Variants in WDR26 observed in about 807,000 individuals in gnomAD.
WDR26 encodes the protein WD repeat domain 26, also known as WD repeat-containing protein 26.
WDR26 carries 5 observed loss-of-function variants against 84.1 expected under a neutral mutation model. The observed-to-expected ratio is 0.06, with a 90% CI of 0.03 to 0.13. WDR26 has a LOEUF of 0.13. WDR26 is among the 10% of genes least tolerant of loss of function. The pLI, the probability that WDR26 is intolerant of heterozygous loss-of-function variation, is 1.00. For missense variants in WDR26, 642 were observed against 974.9 expected, an observed-to-expected ratio of 0.66 and a Z score of 4.55; for synonymous variants, 415 against 389.6, an observed-to-expected ratio of 1.07 and a Z score of -0.77.
Position 224,393,968 on chromosome 1 carries a change from G to A in WDR26, c.2120C>T (p.Ala707Val), listed in dbSNP as rs765333763. ...TGTACGTGTGTGCCCTGTCAGCTCCGCAATTGGCAGTTCACTACGTTTGTG... is the reference window on the plus strand; with the variant it reads ...TGTACGTGTGTGCCCTGTCAGCTCCACAATTGGCAGTTCACTACGTTTGTG... Residue 707 changes from alanine (A) to valine (V), a missense_variant, in exon 13 of 14, where the codon GCG becomes GTG. Coordinates refer to ENST00000414423, the MANE Select transcript of WDR26 (RefSeq NM_001379403.1). 3 of 1,544,344 alleles carry A rather than the reference G, an allele frequency of 1.9e-6. No homozygotes were observed. The highest frequency in any genetic ancestry group is 1.7e-5 in the Admixed American group (1 of 59,010).
At chr1:224,419,671 G>T in intron 4 of WDR26, 56 bp from the exon 5 acceptor site, 1 of 1,412,342 alleles carries the variant, frequency 7.1e-7, no homozygotes, top group Non-Finnish European at 1.0e-6. Context: ...TGTAATAAAT[G>T]TAATTGAAAA....
Position 224,408,753 on chromosome 1 carries a change from C to T in WDR26, c.1458+2674G>A, listed in dbSNP as rs558405419. Reference sequence around the variant, plus strand: ...GCAGTAAGACTCTCAAGAGGTATTTCGACTTGTAAAGCTTCCCTGCGCTTT... The same window carrying T: ...GCAGTAAGACTCTCAAGAGGTATTTTGACTTGTAAAGCTTCCCTGCGCTTT... On this transcript the variant is annotated intron_variant, in intron 7 of 13. Coordinates refer to ENST00000414423, the MANE Select transcript of WDR26 (RefSeq NM_001379403.1). Among the ~76,000 whole-genome samples the T allele has an allele frequency of 3.3e-5, 5 of 150,190 alleles. No individual in the cohort carries two copies. The East Asian group carries it at 5.9e-4, about 18-fold the overall frequency.
intron 5 of WDR26, among the ~76,000 whole-genome samples, chr1:224,419,114 G>T (rs115722240): frequency 0.011 from 1,679 of 152,202 alleles, 39 homozygotes; most frequent in African/African-American, 0.038. Context: ...TTACAATCTA[G>T]AATAAACATA....
chr1:224,409,400 G>GA (rs1397011098), intron 7 of WDR26, among the ~76,000 whole-genome samples: 1 of 152,114 alleles, frequency 6.6e-6, no homozygotes. Context: ...CATATTCTGA[G>GA]AAAGAGTCCA....
At chr1:224,432,602 A>G (rs1172660942) in intron 1 of WDR26, among the ~76,000 whole-genome samples, 2 of 152,292 alleles carry the variant, frequency 1.3e-5, no homozygotes, top group African/African-American at 4.8e-5. Context: ...CTTAATTTTT[A>G]GCTAAACAGT....
At chr1:224,399,670 G>C (rs1027242797) in intron 9 of WDR26, among the ~76,000 whole-genome samples, 2 of 152,146 alleles carry the variant, frequency 1.3e-5, no homozygotes, top group Non-Finnish European at 2.9e-5. Flanking sequence ...TGATCATCTT[G>C]CACGCAGGGA....
At chr1:224,413,412 G>GTATT in intron 6 of WDR26, 1 of 596,828 alleles carries the variant, frequency 1.7e-6, no homozygotes, top group Non-Finnish European at 2.4e-6. Context: ...TAGCAGATGG[G>GTATT]TATTTGCAGG....
At position 224,434,731 on chromosome 1, in the gene WDR26, C is replaced by T. The variant is rs1357112203; in HGVS notation, c.-326G>A. On this transcript the variant is annotated 5_prime_UTR_variant, in exon 1 of 14. Transcript: ENST00000414423. The stretch of plus-strand genomic sequence containing the variant: ...GGGCGGCAGCGGAGGCAGCTGCCGC[C>T]TCTGTCCTCGGATCCGCTCCGCTCT... 4 of 985,338 alleles carry T rather than the reference C, an allele frequency of 4.1e-6. No individual in the cohort carries two copies. The highest frequency in any genetic ancestry group is 2.3e-4 in the East Asian group (2 of 8,870). The allele number at this position is 985,338 out of a possible 1,614,324, so 61.0% of individuals were successfully genotyped here.
intron 7 of WDR26, among the ~76,000 whole-genome samples, chr1:224,408,847 G>C (rs1673655434): frequency 6.6e-6 from 1 of 151,892 alleles, no homozygotes; most frequent in Non-Finnish European, 1.5e-5. Flanking sequence ...CATTTAAACG[G>C]TACATTTTTT....
intron 1 of WDR26, 68 bp downstream of exon 1, chr1:224,433,616 T>TCCCCCCCC: frequency 1.6e-5 from 9 of 557,412 alleles, no homozygotes; most frequent in South Asian, 5.9e-5. Context: ...CTCCGCCCCT[T>TCCCCCCCC]CCCCTACCCC....
At chr1:224,401,671 C>CAAAAAAAAAAAAAAAAAAAAAAAAAAAA (rs767368281) in intron 8 of WDR26, among the ~76,000 whole-genome samples, 29 of 49,642 alleles carry the variant, frequency 5.8e-4, no homozygotes, top group Non-Finnish European at 7.5e-4. Flanking sequence ...GAGACTGTCT[C>CAAAAAAAAAAAAAAAAAAAAAAAAAAAA]AAAAAAAAAA....
Position 224,405,625 on chromosome 1 carries a change from C to T in WDR26, c.1459-1055G>A, listed in dbSNP as rs528457039. On this transcript the variant is annotated intron_variant, in intron 7 of 13. Transcript: ENST00000414423. The stretch of plus-strand genomic sequence containing the variant: ...TTCTCACAAATCTAGAATATTACCC[C>T]CTCTCATATTATAGGGAAAGAAACG... 1.9e-4 allele frequency among the ~76,000 whole-genome samples: 29 copies of T among 152,134 alleles called. 1 individual carries two copies. The South Asian group carries it at 5.8e-3, about 30-fold the overall frequency.
rs1256773566 is a variant in WDR26, at chr1:224,398,580, G to T, written c.1879C>A (p.His627Asn). The T allele has an allele frequency of 7.5e-6, 12 of 1,606,356 alleles. No homozygotes were observed. The highest frequency in any genetic ancestry group is 1.0e-5 in the Non-Finnish European group (12 of 1,177,612). The change falls in exon 11 of 14, where the codon CAT becomes AAT. Residue 627 changes from histidine (H) to asparagine (N), a missense_variant. By Grantham distance (68) the His-to-Asn change is moderately conservative. Transcript: ENST00000414423. The stretch of plus-strand genomic sequence containing the variant: ...GAAATAGTAAAAGACATAATAGGAT[G>T]ATCTTCTTGTACTCTGGAACCAGAA...
At chr1:224,393,438 C>G (rs953283167) in intron 13 of WDR26, among the ~76,000 whole-genome samples, 3 of 152,072 alleles carry the variant, frequency 2.0e-5, no homozygotes, top group Middle Eastern at 6.3e-3. Context: ...AATCTATAAT[C>G]AAGATATTTA....
intron 4 of WDR26, among the ~76,000 whole-genome samples, chr1:224,420,746 T>C (rs1424980224): frequency 6.6e-6 from 1 of 152,278 alleles, no homozygotes; most frequent in Admixed American, 6.5e-5. Flanking sequence ...AAAAACGCTA[T>C]AGGAAGTTAG....
At chr1:224,392,060 C>A (rs1349796466) in intron 13 of WDR26, among the ~76,000 whole-genome samples, 1 of 152,094 alleles carries the variant, frequency 6.6e-6, no homozygotes, top group Non-Finnish European at 1.5e-5. Context: ...GCTATGGAGG[C>A]ATAAAATATA....
rs1672977316 is a variant in WDR26, at chr1:224,385,660, G to GT, written c.*4174dup. The stretch of plus-strand genomic sequence containing the variant: ...TTTCTTGATCTCTACAGCTTGGTTT[G>GT]TAAGTACATACATGCTTTTGTGGAT... On this transcript the variant is annotated 3_prime_UTR_variant, in exon 14 of 14. Coordinates refer to ENST00000414423, the MANE Select transcript of WDR26 (RefSeq NM_001379403.1). 6.6e-6 allele frequency: 1 copy of GT among 152,572 alleles called. No individual in the cohort carries two copies. The allele number at this position is 152,572 out of a possible 1,614,324, so 9.5% of individuals were successfully genotyped here. A position where few individuals can be genotyped will look rare whatever the true frequency, so the allele number is the denominator to read the frequency against.
At chr1:224,419,443 G>A in intron 5 of WDR26, 75 bp downstream of exon 5, 1 of 1,127,300 alleles carries the variant, frequency 8.9e-7, no homozygotes, top group Non-Finnish European at 1.3e-6. Flanking sequence ...TTCCCCATCT[G>A]TCTTCCTAAT....
rs746383579 is a variant in WDR26, at chr1:224,404,566, G to A, written c.1463C>T (p.Thr488Ile). Residue 488 changes from threonine (T) to isoleucine (I), a missense_variant, in exon 8 of 14, where the codon ACA becomes ATA. Transcript: ENST00000414423. Reference sequence around the variant, plus strand: ...TGTTTTAAGCAGTTTTAGCAGGTGTGTATCCTGGGAGGGAAAATAAACAAT... The same window carrying A: ...TGTTTTAAGCAGTTTTAGCAGGTGTATATCCTGGGAGGGAAAATAAACAAT... The A allele has an allele frequency of 1.2e-6, 2 of 1,611,208 alleles. No homozygotes were observed. Among genetic ancestry groups the A allele is most frequent in the South Asian group, 2.2e-5 (2 of 90,640 alleles).
Sources: allele counts gnomAD v4.1 joint callset (sites outside exome capture counted in the v4.1 genomes callset), GRCh38; gene constraint gnomAD v4.1.1; transcripts MANE v1.5; gene names NCBI Gene and HGNC (gene_info 2026-07-23, HGNC 2026-07-21).